SLC24A3: variants seen among roughly 807,000 people sequenced by gnomAD.
SLC24A3 encodes the protein solute carrier family 24 member 3.
SLC24A3 carries 28 observed loss-of-function variants against 75.8 expected under a neutral mutation model. The observed-to-expected ratio is 0.37, with a 90% CI of 0.27 to 0.51. The LOEUF (loss-of-function observed/expected upper bound fraction) is 0.51, where lower values mean the gene tolerates loss of function less well. SLC24A3 is among the 20% of genes least tolerant of loss of function. SLC24A3 has a pLI of 0.94. For missense variants in SLC24A3, 663 were observed against 847.8 expected (o/e 0.78, Z 2.71); for synonymous variants, 372 against 334.1 (o/e 1.11, Z -1.24).
chr20:19,308,839 C>T (rs556864080), intron 2 of SLC24A3, among the ~76,000 whole-genome samples: 5 of 152,226 alleles, frequency 3.3e-5, no homozygotes, highest in East Asian at 3.9e-4. Context: ...TCTAGGAACT[C>T]GACAAATGTC....
At chr20:19,712,536 G>A (rs975419067) in intron 15 of SLC24A3, among the ~76,000 whole-genome samples, 2 of 152,138 alleles carry the variant, frequency 1.3e-5, no homozygotes, top group Admixed American at 1.3e-4. Context: ...GTCTCAAAGA[G>A]GGCACAGGAG....
chr20:19,563,935 C>CTT (rs1323275502), intron 3 of SLC24A3, among the ~76,000 whole-genome samples: 1 of 152,146 alleles, frequency 6.6e-6, no homozygotes, highest in East Asian at 1.9e-4. Flanking sequence ...AGGTTTCTTA[C>CTT]CAACCTTGAA....
At chr20:19,477,871 C>T (rs191483111) in intron 2 of SLC24A3, among the ~76,000 whole-genome samples, 43 of 152,294 alleles carry the variant, frequency 2.8e-4, no homozygotes, top group Middle Eastern at 6.8e-3. Flanking sequence ...AAAATGGCTA[C>T]TATTGGGTTT....
chr20:19,248,377 C>T (rs6112274), intron 1 of SLC24A3, among the ~76,000 whole-genome samples: 22,713 of 152,084 alleles, frequency 0.15, 2,989 homozygotes, highest in East Asian at 0.74. Flanking sequence ...AAAAAAATGA[C>T]GATGGTTTTG....
chr20:19,539,039 A>T (rs1404170705), intron 3 of SLC24A3, among the ~76,000 whole-genome samples: 1 of 152,244 alleles, frequency 6.6e-6, no homozygotes, highest in East Asian at 1.9e-4. Flanking sequence ...ATATTAAGGT[A>T]CAAAAGCAGG....
chr20:19,259,245 C>A (rs945451434), intron 1 of SLC24A3, among the ~76,000 whole-genome samples: 1 of 152,148 alleles, frequency 6.6e-6, no homozygotes, highest in Non-Finnish European at 1.5e-5. Flanking sequence ...TGAGAGACAG[C>A]GAGGTGCTGG....
In SLC24A3 at chr20:19,395,168, G is replaced by A. The variant is rs190389529; in HGVS notation, c.271+114081G>A. ...TCACAGAAACAGGAAGTTGGATGGTGGTTGCCAGGTACTGGGGGGAGAAAT... is the reference window on the plus strand; with the variant it reads ...TCACAGAAACAGGAAGTTGGATGGTAGTTGCCAGGTACTGGGGGGAGAAAT... On this transcript the variant is annotated intron_variant, in intron 2 of 16. Coordinates refer to ENST00000328041, the MANE Select transcript of SLC24A3 (RefSeq NM_020689.4). Among the ~76,000 whole-genome samples, 32 of 152,316 alleles carry A rather than the reference G, an allele frequency of 2.1e-4. No individual in the cohort carries two copies. In the East Asian group the frequency reaches 6.2e-3, roughly 29 times the overall value.
At chr20:19,638,650 CTAT>C (rs996109343) in intron 6 of SLC24A3, among the ~76,000 whole-genome samples, 3 of 152,080 alleles carry the variant, frequency 2.0e-5, no homozygotes, top group Admixed American at 1.3e-4. Flanking sequence ...TGAGAGGGTG[CTAT>C]TATTATCCCT....
chr20:19,667,938 C>T (rs898167284), intron 8 of SLC24A3, among the ~76,000 whole-genome samples: 6 of 152,182 alleles, frequency 3.9e-5, no homozygotes, highest in African/African-American at 1.4e-4. Flanking sequence ...CCCTGAGCAC[C>T]GAGGCTCCCT....
intron 2 of SLC24A3, among the ~76,000 whole-genome samples, chr20:19,394,228 A>G (rs749309671): frequency 4.6e-5 from 7 of 152,180 alleles, no homozygotes; most frequent in Non-Finnish European, 1.0e-4. Flanking sequence ...AAAGACCTAA[A>G]TATAATATCT....
intron 7 of SLC24A3, among the ~76,000 whole-genome samples, chr20:19,659,043 A>G (rs1020605608): frequency 6.6e-6 from 1 of 152,242 alleles, no homozygotes; most frequent in African/African-American, 2.4e-5. Context: ...CTTTATTTTT[A>G]CCTTTCGTCT....
At chr20:19,500,195 T>C (rs1988363672) in intron 2 of SLC24A3, among the ~76,000 whole-genome samples, 1 of 152,170 alleles carries the variant, frequency 6.6e-6, no homozygotes, top group Admixed American at 6.5e-5. Context: ...ACCATTTACC[T>C]GAAATTGTTG....
chr20:19,318,420 CA>C (rs1984632243), intron 2 of SLC24A3, among the ~76,000 whole-genome samples: 1 of 152,256 alleles, frequency 6.6e-6, no homozygotes, highest in Admixed American at 6.5e-5. Flanking sequence ...CAAGAAAGAC[CA>C]GAGCCAGGGG....
chr20:19,457,958 G>A (rs890986256), intron 2 of SLC24A3, among the ~76,000 whole-genome samples: 1 of 152,170 alleles, frequency 6.6e-6, no homozygotes, highest in Non-Finnish European at 1.5e-5. Context: ...AGCATCTGGA[G>A]GACCGTTGAT....
chr20:19,306,363 C>T (rs1333554656), intron 2 of SLC24A3, among the ~76,000 whole-genome samples: 1 of 152,124 alleles, frequency 6.6e-6, no homozygotes, highest in African/African-American at 2.4e-5. Context: ...ATCCAGCAAT[C>T]TCATTACTGG....
intron 3 of SLC24A3, among the ~76,000 whole-genome samples, chr20:19,535,620 T>C (rs979350879): frequency 1.3e-5 from 2 of 152,150 alleles, no homozygotes; most frequent in Non-Finnish European, 2.9e-5. Context: ...GCTTGAGAAA[T>C]AGGGGCTTCC....
rs111289454 is a variant in SLC24A3, at chr20:19,555,091, C to T, written c.349-24909C>T. Among the ~76,000 whole-genome samples, 91 of 152,244 alleles carry T rather than the reference C, an allele frequency of 6.0e-4. No individual in the cohort carries two copies. In the Middle Eastern group the frequency reaches 0.01, roughly 17 times the overall value. ...TTCGTAAAGCCAACTCTGAGTTAGC[C>T]GTAGCCTCAGCAACTTGCAGCAATA... On this transcript the variant is annotated intron_variant, in intron 3 of 16. Coordinates refer to ENST00000328041, the MANE Select transcript of SLC24A3 (RefSeq NM_020689.4).
chr20:19,438,328 C>T (rs1353247332), intron 2 of SLC24A3, among the ~76,000 whole-genome samples: 1 of 152,192 alleles, frequency 6.6e-6, no homozygotes, highest in African/African-American at 2.4e-5. Flanking sequence ...CTGATTTGTA[C>T]AGCCGTTATT....
At chr20:19,319,343 G>T (rs1431156420) in intron 2 of SLC24A3, among the ~76,000 whole-genome samples, 1 of 152,200 alleles carries the variant, frequency 6.6e-6, no homozygotes, top group African/African-American at 2.4e-5. Flanking sequence ...ATAAATCAGT[G>T]CCTCAGACCT....
Sources: gnomAD v4.1 joint callset for allele counts (sites outside exome capture counted in the v4.1 genomes callset) on GRCh38, gnomAD v4.1.1 for gene constraint, MANE v1.5 for transcripts, NCBI Gene and HGNC (gene_info 2026-07-23, HGNC 2026-07-21) for gene names.